ADORA2B: variants seen among roughly 807,000 people sequenced by gnomAD.
ADORA2B encodes adenosine receptor A2b.
A neutral mutation model predicts 20.8 loss-of-function variants in ADORA2B; 18 were observed. The observed-to-expected ratio is 0.87, with a 90% CI of 0.60 to 1.29. The LOEUF is 1.29. ADORA2B is among the 50% of genes most tolerant of loss of function. The probability of loss-of-function intolerance (pLI) is 0.00; values close to 1 mark genes in which losing one functional copy is unlikely to be tolerated. For missense variants in ADORA2B, 441 were observed against 422.7 expected, an observed-to-expected ratio of 1.04 and a Z score of -0.38; for synonymous variants, 179 against 178.3, an observed-to-expected ratio of 1.00 and a Z score of -0.03.
At chr17:15,884,143 TC>T in the ADORA2B span, among the ~76,000 whole-genome samples, 212 of 152,312 alleles carry the variant, frequency 1.4e-3, no homozygotes, top group African/African-American at 5.0e-3. Context: ...AAACTGTTCC[TC>T]CAGATGTCAT....
At chr17:15,908,612 T>C in the ADORA2B span, 1 of 190,474 alleles carries the variant, frequency 5.3e-6, no homozygotes. Context: ...GGCCCAAATC[T>C]ACAAGTACTT....
chr17:15,899,112 C>G, the ADORA2B span, among the ~76,000 whole-genome samples: 2 of 151,956 alleles, frequency 1.3e-5, no homozygotes, highest in Non-Finnish European at 1.5e-5. Context: ...CACCTGTAAT[C>G]CCAGCTACTT....
chr17:15,857,870 A>G, the ADORA2B span, among the ~76,000 whole-genome samples: 1 of 151,802 alleles, frequency 6.6e-6, no homozygotes, highest in Non-Finnish European at 1.5e-5. Context: ...GGCTTCTTTG[A>G]CTTAGCATAA....
At chr17:15,919,391 G>A in the ADORA2B span, among the ~76,000 whole-genome samples, 39 of 152,124 alleles carry the variant, frequency 2.6e-4, 1 homozygote, top group Admixed American at 8.5e-4. Context: ...CCTAAAGCAA[G>A]ACTGCCTTAG....
intron 1 of ADORA2B, among the ~76,000 whole-genome samples, chr17:15,957,649 C>T (rs987110334): frequency 2.0e-5 from 3 of 152,180 alleles, no homozygotes; most frequent in African/African-American, 2.4e-5. Context: ...CAGTAGTGGT[C>T]GAGTCTTGGG....
the ADORA2B span, among the ~76,000 whole-genome samples, chr17:15,921,395 G>A: frequency 5.3e-5 from 8 of 152,168 alleles, no homozygotes; most frequent in Non-Finnish European, 1.0e-4. Context: ...CCTCTTGATG[G>A]TTGCTGTCAT....
chr17:15,959,980 C>CT (rs1378106265), intron 1 of ADORA2B, among the ~76,000 whole-genome samples: 5 of 152,170 alleles, frequency 3.3e-5, no homozygotes, highest in African/African-American at 1.2e-4. Context: ...TTTAGTCTTT[C>CT]AAGACATTAA....
At chr17:15,967,281 T>C (rs1267188257) in intron 1 of ADORA2B, among the ~76,000 whole-genome samples, 1 of 103,702 alleles carries the variant, frequency 9.6e-6, no homozygotes, top group African/African-American at 4.0e-5. Context: ...CAGGCTGGAG[T>C]GCAGTGGTGC....
chr17:15,960,039 A>G (rs1970015937), intron 1 of ADORA2B, among the ~76,000 whole-genome samples: 1 of 151,868 alleles, frequency 6.6e-6, no homozygotes, highest in Non-Finnish European at 1.5e-5. Flanking sequence ...GAGCCTGAGC[A>G]GGAGGATCAT....
the ADORA2B span, among the ~76,000 whole-genome samples, chr17:15,887,185 C>T: frequency 8.4e-5 from 11 of 130,210 alleles, 2 homozygotes; most frequent in Admixed American, 6.0e-4. Context: ...GGGACGCAGC[C>T]GTCCTCTTGC....
chr17:15,870,891 C>T, the ADORA2B span, among the ~76,000 whole-genome samples: 3 of 152,204 alleles, frequency 2.0e-5, no homozygotes, highest in Admixed American at 6.5e-5. Context: ...ATAGCAGATG[C>T]GCGGCACTGT....
the ADORA2B span, among the ~76,000 whole-genome samples, chr17:15,867,917 T>G: frequency 1.3e-5 from 2 of 152,122 alleles, no homozygotes; most frequent in South Asian, 2.1e-4. Context: ...ATGGCGGTTT[T>G]GTGGAATAGA....
the ADORA2B span, among the ~76,000 whole-genome samples, chr17:15,870,578 A>G: frequency 8.5e-6 from 1 of 117,560 alleles, no homozygotes; most frequent in African/African-American, 4.8e-5. Context: ...GCGCTACTGC[A>G]CTCCATCCTG....
chr17:15,867,478 C>T, the ADORA2B span, among the ~76,000 whole-genome samples: 3 of 148,168 alleles, frequency 2.0e-5, no homozygotes, highest in Admixed American at 6.6e-5. Context: ...GCAACCGCCC[C>T]GTCTGAGAAG....
At chr17:15,923,197 CTTTTTTTAATTTT>C in the ADORA2B span, among the ~76,000 whole-genome samples, 1 of 90,358 alleles carries the variant, frequency 1.1e-5, no homozygotes, top group South Asian at 3.1e-4. Flanking sequence ...TAATTTCTTT[CTTTTTTTAATTTT>C]TTTTTTTTTT....
At chr17:15,947,071 C>T (rs920400881) in intron 1 of ADORA2B, among the ~76,000 whole-genome samples, 4 of 152,134 alleles carry the variant, frequency 2.6e-5, no homozygotes, top group Admixed American at 6.5e-5. Context: ...ATGTGGGTGT[C>T]TGGCCACTCC....
At chr17:15,918,964 C>T in the ADORA2B span, among the ~76,000 whole-genome samples, 1 of 152,130 alleles carries the variant, frequency 6.6e-6, no homozygotes, top group African/African-American at 2.4e-5. Flanking sequence ...CTGAGTGAAC[C>T]ACCCAGGCAG....
the ADORA2B span, among the ~76,000 whole-genome samples, chr17:15,938,876 T>C: frequency 6.6e-6 from 1 of 152,238 alleles, no homozygotes; most frequent in African/African-American, 2.4e-5. Context: ...TATTGCATTT[T>C]CTGTCTTCAA....
chr17:15,943,113 A>C (rs1969758981), upstream of ADORA2B, among the ~76,000 whole-genome samples: 3 of 152,168 alleles, frequency 2.0e-5, no homozygotes, highest in Admixed American at 2.0e-4. Context: ...AGGACACGGA[A>C]TGTGTGGGCT....
Sources: gnomAD v4.1 joint callset for allele counts (sites outside exome capture counted in the v4.1 genomes callset) on GRCh38, gnomAD v4.1.1 for gene constraint, MANE v1.5 for transcripts, NCBI Gene and HGNC (gene_info 2026-07-23, HGNC 2026-07-21) for gene names.